The following SLC24A3 variants were observed in gnomAD, a reference collection of about 807,000 sequenced individuals.
SLC24A3 encodes solute carrier family 24 member 3, also known as sodium/potassium/calcium exchanger 3.
SLC24A3 carries 28 observed loss-of-function variants against 75.8 expected under a neutral mutation model. That is an observed-to-expected ratio of 0.37 (90% CI 0.27 to 0.51). The LOEUF (loss-of-function observed/expected upper bound fraction) is 0.51, where lower values mean the gene tolerates loss of function less well. Ranked by LOEUF, SLC24A3 falls within the 20% of genes least tolerant of loss-of-function variation. The pLI is 0.94. For synonymous variants in SLC24A3, 372 were observed against 334.1 expected (o/e 1.11, Z -1.24); for missense variants, 663 against 847.8 (o/e 0.78, Z 2.71).
chr20:19,674,065 G>T (rs182180369), intron 9 of SLC24A3, among the ~76,000 whole-genome samples: 33 of 152,314 alleles, frequency 2.2e-4, no homozygotes, highest in Non-Finnish European at 3.8e-4. Flanking sequence ...CCATCCGGTG[G>T]TCTGTGTAGA....
chr20:19,362,824 A>G (rs1244408732), intron 2 of SLC24A3, among the ~76,000 whole-genome samples: 1 of 152,130 alleles, frequency 6.6e-6, no homozygotes, highest in Non-Finnish European at 1.5e-5. Flanking sequence ...TGGAATCTCC[A>G]TGGGTCTCGG....
At chr20:19,611,020 C>T (rs985225025) in intron 6 of SLC24A3, among the ~76,000 whole-genome samples, 2 of 152,134 alleles carry the variant, frequency 1.3e-5, no homozygotes, top group Non-Finnish European at 2.9e-5. Context: ...GCAGAGGGCA[C>T]AGCGTCCACT....
chr20:19,338,459 G>A (rs149793290), intron 2 of SLC24A3, among the ~76,000 whole-genome samples: 1 of 152,200 alleles, frequency 6.6e-6, no homozygotes, highest in Non-Finnish European at 1.5e-5. Flanking sequence ...CCCTGAGGCT[G>A]TGTCTGCAGA....
intron 7 of SLC24A3, among the ~76,000 whole-genome samples, chr20:19,655,252 C>G (rs143350104): frequency 6.6e-6 from 1 of 152,298 alleles, no homozygotes; most frequent in East Asian, 1.9e-4. Context: ...TTCTCTCCAC[C>G]CCAGCCAGTC....
chr20:19,319,368 G>A (rs1186780332), intron 2 of SLC24A3, among the ~76,000 whole-genome samples: 1 of 152,286 alleles, frequency 6.6e-6, no homozygotes, highest in East Asian at 1.9e-4. Flanking sequence ...CGATTCATAG[G>A]CTCTGCACCT....
intron 1 of SLC24A3, among the ~76,000 whole-genome samples, chr20:19,262,341 C>G (rs1156503226): frequency 1.4e-5 from 2 of 142,548 alleles, no homozygotes; most frequent in African/African-American, 5.3e-5. Context: ...GGAGGCGGAG[C>G]TTGCAGTGAG....
chr20:19,579,423 T>G (rs1170062219), intron 3 of SLC24A3, among the ~76,000 whole-genome samples: 1 of 152,218 alleles, frequency 6.6e-6, no homozygotes, highest in Non-Finnish European at 1.5e-5. Flanking sequence ...GTTCATTTAT[T>G]TATTCCCTCA....
chr20:19,709,464 A>T (rs2032967048), intron 15 of SLC24A3, among the ~76,000 whole-genome samples: 1 of 152,042 alleles, frequency 6.6e-6, no homozygotes, highest in South Asian at 2.1e-4. Context: ...CCTACTAAAA[A>T]CACAAAAATT....
intron 3 of SLC24A3, among the ~76,000 whole-genome samples, chr20:19,572,341 A>G (rs572965009): frequency 6.6e-6 from 1 of 152,276 alleles, no homozygotes; most frequent in East Asian, 1.9e-4. Context: ...GCATGACCCC[A>G]TCTCTAAAAG....
chr20:19,639,656 T>C (rs1287972102), intron 6 of SLC24A3, among the ~76,000 whole-genome samples: 1 of 152,198 alleles, frequency 6.6e-6, no homozygotes, highest in Non-Finnish European at 1.5e-5. Context: ...GGGTGGTCGA[T>C]GGGACTGGGT....
At chr20:19,484,670 T>C (rs1988103886) in intron 2 of SLC24A3, among the ~76,000 whole-genome samples, 1 of 152,072 alleles carries the variant, frequency 6.6e-6, no homozygotes, top group Non-Finnish European at 1.5e-5. Context: ...TAGAGTAGGA[T>C]TGTCAGGGTC....
chr20:19,310,109 G>A (rs557483605), intron 2 of SLC24A3, among the ~76,000 whole-genome samples: 1 of 152,270 alleles, frequency 6.6e-6, no homozygotes, highest in African/African-American at 2.4e-5. Context: ...CCATCTTCTG[G>A]CTACTTCACC....
In SLC24A3 at chr20:19,515,575, C is replaced by T; in HGVS notation, c.348+11C>T. The T allele has an allele frequency of 6.2e-7, 1 of 1,613,942 alleles. No homozygotes were observed. The highest frequency in any genetic ancestry group is 8.5e-7 in the Non-Finnish European group (1 of 1,179,822). ...CTCCATGTGCTCTGTGTAAGTACCC[C>T]TCTGTGCCTCTGCCTGGAGGGTCCA... On this transcript the variant is annotated intron_variant, in intron 3 of 16. Transcript: ENST00000328041.
chr20:19,363,673 C>T (rs1985833575), intron 2 of SLC24A3, among the ~76,000 whole-genome samples: 3 of 152,182 alleles, frequency 2.0e-5, no homozygotes, highest in Admixed American at 6.5e-5. Context: ...CACACACCCT[C>T]GTGTGGCTTA....
intron 1 of SLC24A3, among the ~76,000 whole-genome samples, chr20:19,267,699 A>T (rs1488760932): frequency 1.3e-5 from 2 of 152,216 alleles, no homozygotes; most frequent in African/African-American, 4.8e-5. Context: ...ATATGAAGAC[A>T]TAAAAAGTCT....
At chr20:19,679,668 C>T (rs2032586823) in intron 9 of SLC24A3, among the ~76,000 whole-genome samples, 1 of 152,192 alleles carries the variant, frequency 6.6e-6, no homozygotes, top group African/African-American at 2.4e-5. Context: ...ACATTATCGT[C>T]ATACGTAAAA....
At chr20:19,501,470 A>G (rs932202476) in intron 2 of SLC24A3, among the ~76,000 whole-genome samples, 2 of 152,220 alleles carry the variant, frequency 1.3e-5, no homozygotes, top group Non-Finnish European at 2.9e-5. Context: ...TGTTACCATG[A>G]ATTTCAATTT....
intron 2 of SLC24A3, among the ~76,000 whole-genome samples, chr20:19,420,817 A>G (rs1245346941): frequency 3.5e-5 from 2 of 57,210 alleles, no homozygotes; most frequent in Admixed American, 4.0e-4. Context: ...CAGTAACCAA[A>G]ACAGCATGGT....
In SLC24A3 at chr20:19,609,934, T is replaced by C. The variant is rs962986781; in HGVS notation, c.612+24390T>C. Among the ~76,000 whole-genome samples, 4 of 147,854 alleles carry C rather than the reference T, an allele frequency of 2.7e-5. No homozygotes were observed. In the South Asian group the frequency reaches 9.0e-4, roughly 33 times the overall value. On this transcript the variant is annotated intron_variant, in intron 6 of 16. Transcript: ENST00000328041. ...GTTTGCCAACAAATGGAACAGACTTTCATTCATCTTAGGTTTAACCACAAA... is the reference window on the plus strand; with the variant it reads ...GTTTGCCAACAAATGGAACAGACTTCCATTCATCTTAGGTTTAACCACAAA...
Sources: gnomAD v4.1 joint callset for allele counts (sites outside exome capture counted in the v4.1 genomes callset) on GRCh38, gnomAD v4.1.1 for gene constraint, MANE v1.5 for transcripts, NCBI Gene and HGNC (gene_info 2026-07-23, HGNC 2026-07-21) for gene names.